PCDHGB2: variants seen among roughly 807,000 people sequenced by gnomAD.
The protein encoded by PCDHGB2 is protocadherin gamma subfamily B, 2.
A neutral mutation model predicts 59.3 loss-of-function variants in PCDHGB2; 55 were observed. That is an observed-to-expected ratio of 0.93 (90% CI 0.75 to 1.16). The LOEUF is 1.16. Ranked by LOEUF, PCDHGB2 falls within the 50% of genes most tolerant of loss-of-function variation. The pLI is 0.00. For missense variants in PCDHGB2, 1,228 were observed against 1,198.5 expected, an observed-to-expected ratio of 1.02 and a Z score of -0.36; for synonymous variants, 516 against 512.0, an observed-to-expected ratio of 1.01 and a Z score of -0.11.
chr5:141,505,270 G>C, intron 2 of PCDHGB2, 123 bp from the exon 3 acceptor site: 1 of 1,520,726 alleles, frequency 6.6e-7, no homozygotes, highest in African/African-American at 1.4e-5. Context: ...CTTGCTGAGA[G>C]AAACAGGTCT....
Position 141,487,632 on chromosome 5 carries a change from C to G in PCDHGB2, c.2422-7175C>G, listed in dbSNP as rs374506603. The G allele has an allele frequency of 6.2e-7, 1 of 1,614,186 alleles. No homozygotes were observed. Among genetic ancestry groups the G allele is most frequent in the East Asian group, 2.2e-5 (1 of 44,888 alleles). On this transcript the variant is annotated intron_variant, in intron 1 of 3. Coordinates refer to ENST00000522605, the MANE Select transcript of PCDHGB2 (RefSeq NM_018923.3). The surrounding 1 kb of genome is among the most constrained non-coding windows in gnomAD (Gnocchi z 5.0). ...GGGCTAGAGGTGAGACCTTTGCAGG[C>G]TCAACAAATGCTTGAGGGTTATTCT... is the stretch of plus-strand genomic sequence containing the variant.
chr5:141,474,403 C>G (rs553745731), intron 1 of PCDHGB2, among the ~76,000 whole-genome samples: 6 of 152,166 alleles, frequency 3.9e-5, no homozygotes, highest in Non-Finnish European at 5.9e-5. Context: ...ACAAGCTCCC[C>G]GGTGATGCCT....
rs1012790217 is a variant in PCDHGB2 at position 141,432,087 on chromosome 5, C to T, written c.2422-62720C>T. On this transcript the variant is annotated intron_variant, in intron 1 of 3. Coordinates refer to ENST00000522605, the MANE Select transcript of PCDHGB2 (RefSeq NM_018923.3). This position sits in a 1 kb window ranked among gnomAD's most constrained non-coding sequence, Gnocchi z 6.0. ...GAAACTCATATCTCGCTGAACGTGG[C>T]AGACACCAACGACAACCCGCCGGTC... is the stretch of plus-strand genomic sequence containing the variant. The T allele has an allele frequency of 2.5e-6, 4 of 1,614,060 alleles. No homozygotes were observed. The African/African-American group carries it at 4.0e-5, about 16-fold the overall frequency.
chr5:141,383,977 A>G (rs1187887484), intron 1 of PCDHGB2: 1 of 1,613,786 alleles, frequency 6.2e-7, no homozygotes, highest in Non-Finnish European at 8.5e-7. Flanking sequence ...CCCTGAAGAC[A>G]CACCTCTTGG....
Position 141,389,586 on chromosome 5 carries a change from G to A in PCDHGB2, c.2421+27030G>A, listed in dbSNP as rs369593580. 471 of 1,613,048 alleles carry A rather than the reference G, an allele frequency of 2.9e-4. No homozygotes were observed. Among genetic ancestry groups the A allele is most frequent in the Non-Finnish European group, 3.8e-4 (446 of 1,179,788 alleles). ...GGTGCTGTACCCCGCGCTGGGTCCC[G>A]ACGGCTCTGCGCTCTTCGATATGGT... On this transcript the variant is annotated intron_variant, in intron 1 of 3. Coordinates refer to ENST00000522605, the MANE Select transcript of PCDHGB2 (RefSeq NM_018923.3).
chr5:141,370,908 C>T (rs372602970), intron 1 of PCDHGB2: 1 of 1,614,028 alleles, frequency 6.2e-7, no homozygotes, highest in East Asian at 2.2e-5. Flanking sequence ...GCAGTACTAC[C>T]TCAGCCCTGA....
intron 1 of PCDHGB2, chr5:141,372,351 C>A: frequency 6.2e-7 from 1 of 1,613,872 alleles, no homozygotes; most frequent in Non-Finnish European, 8.5e-7. Context: ...AGGACAGCAG[C>A]CTCTTTCAGC....
intron 1 of PCDHGB2, chr5:141,417,858 C>A (rs561149517): frequency 1.3e-6 from 2 of 1,547,240 alleles, no homozygotes; most frequent in African/African-American, 1.4e-5. Context: ...CCCGAGCGAA[C>A]GATGGGAGGG....
rs1167955962 is a variant in PCDHGB2, at chr5:141,477,078, A to G, written c.2422-17729A>G. ...GAGGACACCAAACTCCATGAGATTT[A>G]CATCCAGGCCAAAGACAAGGGCGCC... On this transcript the variant is annotated intron_variant, in intron 1 of 3. Transcript: ENST00000522605. This position sits in a 1 kb window ranked among gnomAD's most constrained non-coding sequence, Gnocchi z 4.9. The G allele has an allele frequency of 6.8e-6, 11 of 1,614,262 alleles. No individual in the cohort carries two copies. In the South Asian group the frequency reaches 1.2e-4, roughly 18 times the overall value.
chr5:141,490,566 C>T lies in PCDHGB2; in HGVS notation c.2422-4241C>T. 3 of 1,614,132 alleles carry T rather than the reference C, an allele frequency of 1.9e-6. No homozygotes were observed. Among genetic ancestry groups the T allele is most frequent in the Non-Finnish European group, 2.5e-6 (3 of 1,180,028 alleles). On this transcript the variant is annotated intron_variant, in intron 1 of 3. Transcript: ENST00000522605. This position sits in a 1 kb window ranked among gnomAD's most constrained non-coding sequence, Gnocchi z 5.4. ...TACACAAACATCTCACCATCAGGCT[C>T]AACATTTCAGATGTCAATGACAATG...
chr5:141,433,076 C>G, intron 1 of PCDHGB2: 1 of 1,614,188 alleles, frequency 6.2e-7, no homozygotes, highest in Non-Finnish European at 8.5e-7. Context: ...CTTCCCCCAG[C>G]CCAACTATGC....
chr5:141,418,579 A>G (rs1561774780), intron 1 of PCDHGB2: 1 of 1,614,000 alleles, frequency 6.2e-7, no homozygotes, highest in Admixed American at 1.7e-5. Flanking sequence ...ACAACCCCCC[A>G]GTGTTCAGCC....
rs771744120 is a variant in PCDHGB2 at position 141,485,876 on chromosome 5, G to A, written c.2422-8931G>A. ...AGAGCTCCGGGTATCCGTGCTGGAC[G>A]TAAACGACAACGCCCCAGCCTTCCA... On this transcript the variant is annotated intron_variant, in intron 1 of 3. Transcript: ENST00000522605. This position sits in a 1 kb window ranked among gnomAD's most constrained non-coding sequence, Gnocchi z 5.7. 1 of 1,614,174 alleles carries A rather than the reference G, an allele frequency of 6.2e-7. No homozygotes were observed. Among genetic ancestry groups the A allele is most frequent in the Non-Finnish European group, 8.5e-7 (1 of 1,180,030 alleles).
At chr5:141,383,532 C>T (rs1249909520) in intron 1 of PCDHGB2, 4 of 1,612,320 alleles carry the variant, frequency 2.5e-6, no homozygotes, top group Non-Finnish European at 3.4e-6. Context: ...ACCACCTGGT[C>T]CTCACAGCCT....
chr5:141,510,817 T>C, intron 3 of PCDHGB2, 130 bp from the exon 4 acceptor site: 2 of 1,551,592 alleles, frequency 1.3e-6, no homozygotes, highest in African/African-American at 2.7e-5. Flanking sequence ...GTGACCCCTA[T>C]ATTCCCAGTG....
At position 141,419,228 on chromosome 5, in the gene PCDHGB2, T is replaced by G. The variant is rs761014077; in HGVS notation, c.2421+56672T>G. The G allele has an allele frequency of 2.5e-6, 4 of 1,613,874 alleles. No individual in the cohort carries two copies. The East Asian group carries it at 8.9e-5, about 36-fold the overall frequency. On this transcript the variant is annotated intron_variant, in intron 1 of 3. Coordinates refer to ENST00000522605, the MANE Select transcript of PCDHGB2 (RefSeq NM_018923.3). Reference sequence around the variant, plus strand: ...CGCGCCGGTTTTCGGACAGTCAGCCTACCTGGTCCACGTGCCAGAAAACAA... The same window carrying G: ...CGCGCCGGTTTTCGGACAGTCAGCCGACCTGGTCCACGTGCCAGAAAACAA...
intron 1 of PCDHGB2, chr5:141,399,784 G>A: frequency 6.2e-7 from 1 of 1,613,288 alleles, no homozygotes; most frequent in Non-Finnish European, 8.5e-7. Context: ...CGACCGAAAC[G>A]ACAACGCACC....
intron 1 of PCDHGB2, among the ~76,000 whole-genome samples, chr5:141,425,551 T>C (rs1472337722): frequency 1.3e-5 from 2 of 152,270 alleles, no homozygotes. Context: ...CAGAAACCTC[T>C]TTTATAAGTG....
intron 1 of PCDHGB2, chr5:141,384,446 C>A (rs781605513): frequency 6.2e-7 from 1 of 1,613,916 alleles, no homozygotes; most frequent in African/African-American, 1.3e-5. Flanking sequence ...GTCCTGTACG[C>A]GCTGCAATCC....
Sources: gnomAD v4.1 joint callset for allele counts (sites outside exome capture counted in the v4.1 genomes callset) on GRCh38, gnomAD v4.1.1 for gene constraint, Gnocchi (gnomAD v3.1) non-coding constraint, MANE v1.5 for transcripts, NCBI Gene and HGNC (gene_info 2026-07-23, HGNC 2026-07-21) for gene names.